The following RAPGEF6 variants were observed in gnomAD, a reference collection of about 807,000 sequenced individuals.
RAPGEF6 encodes PDZ domain containing guanine nucleotide exchange factor (GEF) 2.
In RAPGEF6, 56 loss-of-function variants were observed where a neutral mutation model predicts 171.4. The ratio of observed to expected loss-of-function variants is 0.33; its 90% confidence interval spans 0.26 to 0.41. The LOEUF (loss-of-function observed/expected upper bound fraction) is 0.41. RAPGEF6 is among the 10% of genes least tolerant of loss of function. RAPGEF6 has a pLI of 1.00. For synonymous variants in RAPGEF6, 692 were observed against 650.1 expected (o/e 1.06, Z -0.98); for missense variants, 1,674 against 1,921.4 (o/e 0.87, Z 2.41).
intron 24 of RAPGEF6, among the ~76,000 whole-genome samples, chr5:131,437,207 C>G (rs1468372728): frequency 3.3e-5 from 5 of 152,178 alleles, no homozygotes; most frequent in Non-Finnish European, 5.9e-5. Context: ...TCTAAGAATT[C>G]TAAACATTAC....
chr5:131,576,540 A>T (rs572594148), intron 4 of RAPGEF6, among the ~76,000 whole-genome samples: 1 of 152,150 alleles, frequency 6.6e-6, no homozygotes, highest in East Asian at 1.9e-4. Context: ...CTACTGCCCA[A>T]GGAAGCCGGA....
chr5:131,427,367 G>T, intron 27 of RAPGEF6, 76 bp from the exon 28 acceptor site: 1 of 1,241,540 alleles, frequency 8.1e-7, no homozygotes, highest in Non-Finnish European at 1.1e-6. Context: ...TATCTATTTA[G>T]AAAATCAATG....
At chr5:131,477,540 C>A (rs907440282) in intron 16 of RAPGEF6, among the ~76,000 whole-genome samples, 2 of 152,134 alleles carry the variant, frequency 1.3e-5, no homozygotes, top group Non-Finnish European at 2.9e-5. Flanking sequence ...CTGTTCCTGG[C>A]GACCTCAGTT....
chr5:131,556,213 G>A (rs1311608285), intron 5 of RAPGEF6, among the ~76,000 whole-genome samples: 1 of 152,220 alleles, frequency 6.6e-6, no homozygotes, highest in East Asian at 1.9e-4. Flanking sequence ...GCCGAGGTGG[G>A]TGGATCACCT....
chr5:131,611,456 C>G (rs547780043), intron 1 of RAPGEF6, among the ~76,000 whole-genome samples: 1 of 152,248 alleles, frequency 6.6e-6, no homozygotes, highest in East Asian at 1.9e-4. Context: ...GAGATCAACT[C>G]AGGTCAGGAG....
intron 1 of RAPGEF6, among the ~76,000 whole-genome samples, chr5:131,609,153 G>GC (rs1764792998): frequency 6.6e-6 from 1 of 152,034 alleles, no homozygotes; most frequent in Non-Finnish European, 1.5e-5. Flanking sequence ...GCAGTCTGAG[G>GC]CCCTCATTGG....
At position 131,592,394 on chromosome 5, in the gene RAPGEF6, C is replaced by G; in HGVS notation, c.270G>C (p.Leu90Phe). Residue 90 changes from leucine (L) to phenylalanine (F), a missense_variant, in exon 4 of 28, where the codon TTG becomes TTC. Physicochemically the swap from Leu to Phe is conservative, Grantham distance 22. This residue lies in a region of RAPGEF6 where 1,116 missense variants were observed against 1,321.5 expected (regional missense o/e 0.84). Transcript: ENST00000509018. ...AAATGTAAACGTACCTGCAAGGAGG[C>G]AAGACCATGGAGCCTTTCACAAGCA... ...GSVLVKGSMVLPPCSFGKQFG... is the reference protein window; with the variant it reads ...GSVLVKGSMVFPPCSFGKQFG... 6.2e-7 allele frequency: 1 copy of G among 1,613,674 alleles called. No individual in the cohort carries two copies.
In RAPGEF6 at chr5:131,548,057, C is replaced by G. The variant is rs144946919; in HGVS notation, c.485G>C (p.Ser162Thr). The G allele has an allele frequency of 1.5e-5, 25 of 1,613,618 alleles. No individual in the cohort carries two copies. In the African/African-American group the frequency reaches 3.3e-4, roughly 22 times the overall value. ...CCTAAATATACTCACAGAAAGATAG[C>G]TGTTAACCTCCACATCATCAGTAAT... ...QTITDDVEVN[S>T]YLSLPADLTK... The change falls in exon 6 of 28, where the codon AGC becomes ACC. Residue 162 changes from serine to threonine, a missense_variant. Physicochemically the swap from Ser to Thr is moderately conservative, Grantham distance 58. This residue lies in a region of RAPGEF6 where 1,116 missense variants were observed against 1,321.5 expected (regional missense o/e 0.84). Coordinates refer to ENST00000509018, the MANE Select transcript of RAPGEF6 (RefSeq NM_016340.6).
Position 131,630,335 on chromosome 5 carries a change from A to C in RAPGEF6, c.69+4627T>G, listed in dbSNP as rs143923792. On this transcript the variant is annotated intron_variant, in intron 1 of 27. Coordinates refer to ENST00000509018, the MANE Select transcript of RAPGEF6 (RefSeq NM_016340.6). ...ATCTTTTTTTAGACATAAGGCTATC[A>C]CACACAATAAACTACTATATGTGTA... Among the ~76,000 whole-genome samples the C allele has an allele frequency of 5.3e-3, 805 of 152,342 alleles. 4 individuals carry two copies. The highest frequency in any genetic ancestry group is 0.019 in the African/African-American group (774 of 41,572).
intron 13 of RAPGEF6, 29 bp downstream of exon 13, chr5:131,495,524 T>C (rs571416594): frequency 1.9e-6 from 3 of 1,583,602 alleles, no homozygotes; most frequent in Non-Finnish European, 2.6e-6. Context: ...CACTACACTC[T>C]GAAGAATAGA....
chr5:131,531,039 A>G (rs574174615), intron 6 of RAPGEF6, among the ~76,000 whole-genome samples: 2 of 152,174 alleles, frequency 1.3e-5, no homozygotes, highest in South Asian at 2.1e-4. Context: ...ATCTATTTAC[A>G]TTTCAATCAG....
chr5:131,505,648 CCAAA>C (rs1433749133), intron 9 of RAPGEF6, 126 bp from the exon 10 acceptor site: 4 of 804,978 alleles, frequency 5.0e-6, no homozygotes, highest in Non-Finnish European at 7.6e-6. Flanking sequence ...GGTTATATTA[CCAAA>C]CACTCTGTAA....
intron 11 of RAPGEF6, among the ~76,000 whole-genome samples, chr5:131,499,168 T>C (rs1284823458): frequency 1.3e-5 from 2 of 152,194 alleles, no homozygotes; most frequent in African/African-American, 4.8e-5. Flanking sequence ...TTTTCTACAG[T>C]TCCTCTCATA....
chr5:131,527,786 C>A (rs541740412), intron 6 of RAPGEF6, among the ~76,000 whole-genome samples: 1 of 151,760 alleles, frequency 6.6e-6, no homozygotes, highest in South Asian at 2.1e-4. Context: ...GAGGCCGAGG[C>A]GGGCGGATCA....
chr5:131,505,025 T>C lies in RAPGEF6; in HGVS notation c.1102-247A>G, dbSNP rs144852613. 3.9e-5 allele frequency among the ~76,000 whole-genome samples: 6 copies of C among 152,040 alleles called. No individual in the cohort carries two copies. In the South Asian group the frequency reaches 1.2e-3, roughly 32 times the overall value. On this transcript the variant is annotated intron_variant, in intron 10 of 27. Coordinates refer to ENST00000509018, the MANE Select transcript of RAPGEF6 (RefSeq NM_016340.6). The stretch of plus-strand genomic sequence containing the variant: ...TCCACTTCTCTCAAAACTGACACTA[T>C]GTAAAGAACATATGAAGCAGGAGTA...
At chr5:131,483,079 T>TACCA (rs902471873) in intron 15 of RAPGEF6, among the ~76,000 whole-genome samples, 17 of 152,310 alleles carry the variant, frequency 1.1e-4, no homozygotes, top group Admixed American at 1.1e-3. Context: ...CTGGGTGTGG[T>TACCA]GGCTCATGCC....
At position 131,510,461 on chromosome 5, in the gene RAPGEF6, A is replaced by T; in HGVS notation, c.658T>A (p.Leu220Met). The T allele has an allele frequency of 6.2e-7, 1 of 1,614,074 alleles. No homozygotes were observed. The highest frequency in any genetic ancestry group is 1.1e-5 in the South Asian group (1 of 91,066). ...ACAGGTCCTTCTGGAAGACGTGTCA[A>T]ATCTACATCTCCTACCTCACTCTCC... ...ATESEVGDVD[L>M]TRLPEGPVDS... is the part of the protein sequence containing the mutation. Residue 220 changes from leucine to methionine, a missense_variant, in exon 8 of 28, where the codon TTG (leucine) becomes ATG (methionine). Physicochemically the swap from Leu to Met is conservative, Grantham distance 15. Transcript: ENST00000509018.
At position 131,510,368 on chromosome 5, in the gene RAPGEF6, G is replaced by A. The variant is rs1757638291; in HGVS notation, c.751C>T (p.Leu251Phe). 1.1e-5 allele frequency: 17 copies of A among 1,614,010 alleles called. No individual in the cohort carries two copies. Among genetic ancestry groups the A allele is most frequent in the Non-Finnish European group, 1.4e-5 (16 of 1,179,986 alleles). The stretch of plus-strand genomic sequence containing the variant: ...TCTTTTTCAAGACATTCTCGAACAA[G>A]ATCTCGCCCCTGCAATGGATCTGTT... ...DRTDPLQGRDLVRECLEKEPA... is the reference protein window; with the variant it reads ...DRTDPLQGRDFVRECLEKEPA... The change falls in exon 8 of 28, where the codon CTT (leucine) becomes TTT (phenylalanine). Residue 251 changes from leucine to phenylalanine, a missense_variant. Transcript: ENST00000509018.
At chr5:131,480,478 T>G (rs1755395853) in intron 15 of RAPGEF6, among the ~76,000 whole-genome samples, 1 of 152,248 alleles carries the variant, frequency 6.6e-6, no homozygotes, top group African/African-American at 2.4e-5. Context: ...TTTTGGTTAT[T>G]GATTGATTGA....
Sources: allele counts gnomAD v4.1 joint callset (sites outside exome capture counted in the v4.1 genomes callset), GRCh38; gene constraint gnomAD v4.1.1; regional missense constraint gnomAD v4.1.1; transcripts MANE v1.5; gene names NCBI Gene and HGNC (gene_info 2026-07-23, HGNC 2026-07-21).